Variants in ROBO2 observed in about 807,000 individuals in gnomAD.
The protein encoded by ROBO2 is roundabout guidance receptor 2.
In ROBO2, 53 loss-of-function variants were observed where a neutral mutation model predicts 160.8. The observed-to-expected ratio is 0.33, with a 90% confidence interval of 0.26 to 0.41. The LOEUF (loss-of-function observed/expected upper bound fraction) is 0.41, where lower values mean the gene tolerates loss of function less well. ROBO2 is among the 10% of genes least tolerant of loss of function. ROBO2 has a pLI of 1.00. For missense variants in ROBO2, 1,577 were observed against 1,722.4 expected, an observed-to-expected ratio of 0.92 and a Z score of 1.49; for synonymous variants, 664 against 611.7, an observed-to-expected ratio of 1.09 and a Z score of -1.26.
exon 7 of ROBO2, chr3:77,546,391 A>T: frequency 6.2e-7 from 1 of 1,613,336 alleles, no homozygotes; most frequent in Non-Finnish European, 8.5e-7. Flanking sequence ...TCAAGGTCGA[A>T]CAGTGACATT....
At chr3:77,473,667 A>G (rs1434800324) in intron 2 of ROBO2, among the ~76,000 whole-genome samples, 1 of 151,860 alleles carries the variant, frequency 6.6e-6, no homozygotes, top group Non-Finnish European at 1.5e-5. Flanking sequence ...CGTGTTAGCC[A>G]GAATGGTCTC....
intron 2 of ROBO2, among the ~76,000 whole-genome samples, chr3:75,942,739 A>T (rs1263338713): frequency 2.0e-5 from 3 of 152,152 alleles, no homozygotes; most frequent in Non-Finnish European, 4.4e-5. Flanking sequence ...ACTATAAGGT[A>T]AACAGAGAAA....
chr3:75,970,088 ATTC>A (rs1310002405), intron 2 of ROBO2, among the ~76,000 whole-genome samples: 2 of 151,386 alleles, frequency 1.3e-5, no homozygotes, highest in East Asian at 3.9e-4. Flanking sequence ...GTCCAGTTTT[ATTC>A]TTTTATATGT....
intron 2 of ROBO2, among the ~76,000 whole-genome samples, chr3:76,792,253 TAA>T (rs1174799499): frequency 4.6e-5 from 7 of 151,934 alleles, no homozygotes; most frequent in Admixed American, 2.6e-4. Context: ...TTGCAAGTGT[TAA>T]GAGTTTGCAA....
intron 2 of ROBO2, among the ~76,000 whole-genome samples, chr3:76,947,364 C>G (rs949983525): frequency 1.3e-5 from 2 of 152,052 alleles, no homozygotes. Flanking sequence ...CTTGTTGGAA[C>G]AAAGGTTTTC....
intron 2 of ROBO2, among the ~76,000 whole-genome samples, chr3:76,900,939 T>A (rs941019234): frequency 6.6e-6 from 1 of 152,190 alleles, no homozygotes; most frequent in African/African-American, 2.4e-5. Context: ...AAATTCACAA[T>A]CTTGTGTTGT....
intron 2 of ROBO2, among the ~76,000 whole-genome samples, chr3:77,230,324 T>C (rs538347677): frequency 6.6e-6 from 1 of 152,226 alleles, no homozygotes; most frequent in East Asian, 1.9e-4. Flanking sequence ...GCTCAAGGGA[T>C]CCTCCTCCCT....
chr3:77,227,886 T>G (rs1338500495), intron 2 of ROBO2, among the ~76,000 whole-genome samples: 2 of 152,234 alleles, frequency 1.3e-5, no homozygotes, highest in Non-Finnish European at 2.9e-5. Context: ...ATGACGCTAT[T>G]ACCTCACCCT....
intron 2 of ROBO2, among the ~76,000 whole-genome samples, chr3:76,061,019 A>G (rs1220479934): frequency 2.6e-5 from 4 of 152,134 alleles, no homozygotes; most frequent in Non-Finnish European, 4.4e-5. Flanking sequence ...ACTCCACTCG[A>G]TTTCAGGATT....
chr3:75,929,075 C>CAT (rs59675454), intron 1 of ROBO2, among the ~76,000 whole-genome samples: 102,603 of 103,626 alleles, frequency 0.99, 50,964 homozygotes, highest in Middle Eastern at 1. Flanking sequence ...CTGGATAAGA[C>CAT]GTGTGTGTGT....
At chr3:76,027,084 A>T (rs991303742) in intron 2 of ROBO2, among the ~76,000 whole-genome samples, 5 of 151,774 alleles carry the variant, frequency 3.3e-5, no homozygotes, top group African/African-American at 1.2e-4. Context: ...TATTTTTATG[A>T]CTCCCAATTT....
At chr3:77,197,110 A>T (rs1661539230) in intron 2 of ROBO2, among the ~76,000 whole-genome samples, 1 of 152,238 alleles carries the variant, frequency 6.6e-6, no homozygotes, top group African/African-American at 2.4e-5. Context: ...GGAATCATGA[A>T]AAAATATTTC....
intron 1 of ROBO2, among the ~76,000 whole-genome samples, chr3:77,082,449 G>A (rs916708671): frequency 2.0e-5 from 3 of 151,956 alleles, no homozygotes. Flanking sequence ...TGATCATTGG[G>A]TATTTCATAT....
rs115378575 is a variant in ROBO2 at position 75,996,026 on chromosome 3, G to A, written c.109+58424G>A. 2.1e-3 allele frequency among the ~76,000 whole-genome samples: 325 copies of A among 152,256 alleles called. 1 individual carries two copies. Among genetic ancestry groups the A allele is most frequent in the African/African-American group, 7.5e-3 (310 of 41,544 alleles). ...TTGATTTGATGTTACAAGCTCCTAG[G>A]TGGAAGGGAACTGCCTTGTCTCAGG... On this transcript the variant is annotated intron_variant, in intron 2 of 26. Coordinates refer to the ROBO2 transcript ENST00000487694.
At position 77,095,582 on chromosome 3, in the gene ROBO2, C is replaced by A. The variant is rs187842601; in HGVS notation, c.62-2432C>A. On this transcript the variant is annotated intron_variant, in intron 1 of 25. Transcript: ENST00000461745. Reference sequence around the variant, plus strand: ...TGTGCATAGGGAGATTCATGGAGAACAAAGGGGCTATCTAAACAGATGATT... The same window carrying A: ...TGTGCATAGGGAGATTCATGGAGAAAAAAGGGGCTATCTAAACAGATGATT... Among the ~76,000 whole-genome samples the A allele has an allele frequency of 1.5e-3, 224 of 152,154 alleles. 1 individual carries two copies. Among genetic ancestry groups the A allele is most frequent in the Middle Eastern group, 0.01 (3 of 294 alleles).
At chr3:76,335,822 C>T (rs906268695) in intron 2 of ROBO2, among the ~76,000 whole-genome samples, 21 of 152,078 alleles carry the variant, frequency 1.4e-4, no homozygotes, top group African/African-American at 3.9e-4. Context: ...GTGATCCGCC[C>T]GCCTCGTCCT....
chr3:77,590,671 A>G (rs1373015563), intron 17 of ROBO2, among the ~76,000 whole-genome samples: 2 of 152,110 alleles, frequency 1.3e-5, no homozygotes, highest in African/African-American at 2.4e-5. Flanking sequence ...ATATATTCAC[A>G]TTTGGAGTGT....
intron 2 of ROBO2, among the ~76,000 whole-genome samples, chr3:76,773,711 C>T (rs1246552580): frequency 1.3e-5 from 2 of 150,582 alleles, no homozygotes; most frequent in African/African-American, 4.9e-5. Context: ...ATTCCTATAT[C>T]ATATATAGTC....
At chr3:76,217,738 G>A (rs1575933304) in intron 2 of ROBO2, among the ~76,000 whole-genome samples, 1 of 152,158 alleles carries the variant, frequency 6.6e-6, no homozygotes, top group Non-Finnish European at 1.5e-5. Flanking sequence ...GAGGTACAAG[G>A]AGGAACTGGT....
Sources: gnomAD v4.1 joint callset for allele counts (sites outside exome capture counted in the v4.1 genomes callset) on GRCh38, gnomAD v4.1.1 for gene constraint, MANE v1.5 for transcripts, NCBI Gene and HGNC (gene_info 2026-07-23, HGNC 2026-07-21) for gene names.